KLHL5: variants seen among roughly 807,000 people sequenced by gnomAD.
The protein encoded by KLHL5 is kelch like family member 5.
Under a neutral mutation model 77.7 loss-of-function variants are expected in KLHL5, and 48 were observed. The ratio of observed to expected loss-of-function variants is 0.62; its 90% CI spans 0.49 to 0.79. KLHL5 has a LOEUF of 0.79. Among genes scored for constraint, KLHL5 ranks in the 30% least tolerant of loss-of-function variants. The pLI, the probability that KLHL5 is intolerant of heterozygous loss-of-function variation, is 0.00. For synonymous variants in KLHL5, 260 were observed against 297.0 expected (o/e 0.88, Z 1.28); for missense variants, 723 against 859.7 (o/e 0.84, Z 1.99).
chr4:39,045,296 C>G (rs1357996994), intron 1 of KLHL5, among the ~76,000 whole-genome samples: 1 of 150,396 alleles, frequency 6.6e-6, no homozygotes, highest in Non-Finnish European at 1.5e-5. Context: ...ACACCGCGCC[C>G]GGGGCTCGAA....
the KLHL5 span, among the ~76,000 whole-genome samples, chr4:39,142,219 T>G: frequency 6.6e-6 from 1 of 152,068 alleles, no homozygotes; most frequent in Non-Finnish European, 1.5e-5. Flanking sequence ...CCCTTTTCTT[T>G]TAAAAATTGA....
Position 39,103,418 on chromosome 4 carries a change from G to A in KLHL5, c.1432G>A (p.Gly478Arg). The change falls in exon 7 of 11, where the codon GGA (glycine) becomes AGA (arginine). Residue 478 changes from glycine (G) to arginine (R), a missense_variant. Gly to Arg is a moderately radical substitution (Grantham distance 125). Around this residue, in one of 3 missense-constraint regions of KLHL5, gnomAD observed 288 missense variants for 400.3 expected, o/e 0.72. Transcript: ENST00000504108. ...DKLYVVGGRDGLKTLNTVECY... is the reference protein window; with the variant it reads ...DKLYVVGGRDRLKTLNTVECY... ...ACTGTATGTGGTTGGAGGAAGAGAT[G>A]GACTGAAGACTTTGAATACTGTAGA... 6.2e-7 allele frequency: 1 copy of A among 1,614,142 alleles called. No individual in the cohort carries two copies.
intron 1 of KLHL5, among the ~76,000 whole-genome samples, chr4:39,065,324 G>GTCAC (rs1159681464): frequency 6.6e-6 from 1 of 150,448 alleles, no homozygotes; most frequent in Non-Finnish European, 1.5e-5. Context: ...ATCAAAGCCT[G>GTCAC]TCACTGTTAA....
At chr4:39,112,693 G>T in intron 8 of KLHL5, 1 of 253,328 alleles carries the variant, frequency 3.9e-6, no homozygotes, top group Non-Finnish European at 7.7e-6. Flanking sequence ...ACCATATTTT[G>T]TCTATTCTAA....
chr4:39,126,296 G>A (rs1347033134), downstream of KLHL5, among the ~76,000 whole-genome samples: 1 of 152,098 alleles, frequency 6.6e-6, no homozygotes, highest in Non-Finnish European at 1.5e-5. Flanking sequence ...CAAATGCCAT[G>A]AAAAATTACA....
Position 39,081,566 on chromosome 4 carries a change from A to C in KLHL5, c.703+327A>C, listed in dbSNP as rs1719619524. On this transcript the variant is annotated intron_variant, in intron 3 of 10. Coordinates refer to ENST00000504108, the MANE Select transcript of KLHL5 (RefSeq NM_015990.5). This position sits in a 1 kb window ranked among gnomAD's most constrained non-coding sequence, Gnocchi z 4.3. Reference sequence around the variant, plus strand: ...GTAAATCCCAGCACTTCGGGAAGCCAAGGCAGGACGGATGATCGCTTGAGC... The same window carrying C: ...GTAAATCCCAGCACTTCGGGAAGCCCAGGCAGGACGGATGATCGCTTGAGC... Among the ~76,000 whole-genome samples, 1 of 152,066 alleles carries C rather than the reference A, an allele frequency of 6.6e-6. No homozygotes were observed. The highest frequency in any genetic ancestry group is 2.4e-5 in the African/African-American group (1 of 41,398).
chr4:39,096,678 CT>C lies in KLHL5; in HGVS notation c.1114-13del. On this transcript the variant is annotated splice_polypyrimidine_tract_variant and intron_variant, in intron 5 of 10. Coordinates refer to ENST00000504108, the MANE Select transcript of KLHL5 (RefSeq NM_015990.5). ...CTTAGTCATTCAGTATACATACCTA[CT>C]ATTCTTTTCTAGTTCCTGGCAGACA... is the stretch of plus-strand genomic sequence containing the variant. 1 of 1,590,784 alleles carries C rather than the reference CT, an allele frequency of 6.3e-7. No homozygotes were observed. The highest frequency in any genetic ancestry group is 8.6e-7 in the Non-Finnish European group (1 of 1,159,404).
intron 5 of KLHL5, among the ~76,000 whole-genome samples, chr4:39,092,937 CAGTT>C (rs1239908857): frequency 5.3e-5 from 8 of 152,292 alleles, no homozygotes; most frequent in African/African-American, 7.2e-5. Flanking sequence ...CTTTAGAAAA[CAGTT>C]AGGTTGTTTC....
chr4:39,083,332 C>T (rs1719785922), intron 4 of KLHL5, among the ~76,000 whole-genome samples: 1 of 152,136 alleles, frequency 6.6e-6, no homozygotes, highest in Non-Finnish European at 1.5e-5. Flanking sequence ...AGTCTCATTC[C>T]ATTGTTGTCA....
At chr4:39,092,531 C>A (rs1378811240) in intron 5 of KLHL5, among the ~76,000 whole-genome samples, 1 of 151,990 alleles carries the variant, frequency 6.6e-6, no homozygotes, top group Non-Finnish European at 1.5e-5. Context: ...CCTTAATGAG[C>A]CAACTTTATG....
intron 10 of KLHL5, among the ~76,000 whole-genome samples, chr4:39,117,517 T>C (rs1181514401): frequency 6.6e-6 from 1 of 152,156 alleles, no homozygotes; most frequent in African/African-American, 2.4e-5. Context: ...GCATTCAATG[T>C]AGATGGATTC....
intron 5 of KLHL5, among the ~76,000 whole-genome samples, chr4:39,090,067 A>C (rs1191525315): frequency 6.6e-6 from 1 of 152,182 alleles, no homozygotes; most frequent in African/African-American, 2.4e-5. Flanking sequence ...TCAAGTAATA[A>C]AGTTTTGAAG....
At chr4:39,046,156 T>C (rs1716172424) in intron 1 of KLHL5, among the ~76,000 whole-genome samples, 1 of 151,920 alleles carries the variant, frequency 6.6e-6, no homozygotes, top group African/African-American at 2.4e-5. Context: ...TACACTGACG[T>C]TGTTGGGTAA....
intron 5 of KLHL5, 83 bp from the exon 6 acceptor site, chr4:39,096,609 C>A: frequency 3.3e-6 from 3 of 905,572 alleles, no homozygotes; most frequent in East Asian, 2.6e-5. Context: ...ATGTAAAATC[C>A]ATTTGAGAAC....
chr4:39,074,610 CA>C (rs1718830133), intron 1 of KLHL5, among the ~76,000 whole-genome samples: 1 of 152,154 alleles, frequency 6.6e-6, no homozygotes, highest in Admixed American at 6.5e-5. Context: ...TTGGTGAACA[CA>C]TAGCAGTTTC....
intron 6 of KLHL5, among the ~76,000 whole-genome samples, chr4:39,098,207 G>C (rs1380292442): frequency 6.6e-6 from 1 of 151,766 alleles, no homozygotes; most frequent in East Asian, 1.9e-4. Context: ...CTCATTTTGA[G>C]GAAGATACAC....
chr4:39,126,312 CT>C (rs1344330726), downstream of KLHL5, among the ~76,000 whole-genome samples: 5 of 152,270 alleles, frequency 3.3e-5, no homozygotes, highest in East Asian at 9.6e-4. Flanking sequence ...TTACAGGCTA[CT>C]TATGGCATTT....
intron 10 of KLHL5, 26 bp downstream of exon 10, chr4:39,115,356 C>T (rs1269139944): frequency 2.5e-6 from 4 of 1,612,872 alleles, no homozygotes; most frequent in Admixed American, 1.7e-5. Flanking sequence ...TTCATTATTA[C>T]ACTGACTCTC....
chr4:39,100,419 C>T (rs918960572), intron 6 of KLHL5, among the ~76,000 whole-genome samples: 7 of 152,294 alleles, frequency 4.6e-5, no homozygotes, highest in Admixed American at 4.6e-4. Context: ...TGTCAGCCTA[C>T]ATATTTTGGT....
Sources: allele counts gnomAD v4.1 joint callset (sites outside exome capture counted in the v4.1 genomes callset), GRCh38; gene constraint gnomAD v4.1.1; regional missense constraint gnomAD v4.1.1; non-coding constraint Gnocchi (gnomAD v3.1); transcripts MANE v1.5; gene names NCBI Gene and HGNC (gene_info 2026-07-23, HGNC 2026-07-21).